Variants in CNOT6 observed in about 807,000 individuals in gnomAD.
The protein encoded by CNOT6 is CCR4-NOT transcription complex subunit 6.
CNOT6 carries 12 observed loss-of-function variants against 61.2 expected under a neutral mutation model. That is an observed-to-expected ratio of 0.20 (90% confidence interval 0.13 to 0.32). The LOEUF (loss-of-function observed/expected upper bound fraction) is 0.32. Ranked by LOEUF, CNOT6 falls within the 10% of genes least tolerant of loss-of-function variation. The pLI is 1.00. For missense variants in CNOT6, 405 were observed against 663.9 expected, an observed-to-expected ratio of 0.61 and a Z score of 4.28; for synonymous variants, 225 against 240.6, an observed-to-expected ratio of 0.94 and a Z score of 0.60.
chr5:180,555,686 G>C (rs1410627791), intron 4 of CNOT6, among the ~76,000 whole-genome samples: 1 of 152,204 alleles, frequency 6.6e-6, no homozygotes, highest in African/African-American at 2.4e-5. Context: ...ACTTCTTAAA[G>C]CAATTGTATC....
chr5:180,549,843 C>T, intron 2 of CNOT6, 88 bp from the exon 3 acceptor site: 1 of 969,722 alleles, frequency 1.0e-6, no homozygotes, highest in Non-Finnish European at 1.5e-6. Flanking sequence ...TTAAGTTACT[C>T]ATAAAAACAT....
At chr5:180,523,067 A>T (rs1314877394) in intron 1 of CNOT6, among the ~76,000 whole-genome samples, 1 of 152,138 alleles carries the variant, frequency 6.6e-6, no homozygotes, top group Non-Finnish European at 1.5e-5. Flanking sequence ...TCTCAGTGGG[A>T]TCTAACTCCA....
chr5:180,510,119 T>A (rs1055075016), intron 1 of CNOT6, among the ~76,000 whole-genome samples: 5 of 146,966 alleles, frequency 3.4e-5, no homozygotes, highest in Non-Finnish European at 7.5e-5. Flanking sequence ...TAAATGAGGT[T>A]TATCGTCTGT....
At chr5:180,498,215 C>G (rs535723773) in intron 1 of CNOT6, among the ~76,000 whole-genome samples, 1 of 152,252 alleles carries the variant, frequency 6.6e-6, no homozygotes, top group South Asian at 2.1e-4. Context: ...CCACTTCGCT[C>G]TTCTCTGTCC....
intron 2 of CNOT6, among the ~76,000 whole-genome samples, chr5:180,541,516 A>C (rs1489510768): frequency 7.7e-6 from 1 of 130,302 alleles, no homozygotes; most frequent in African/African-American, 2.9e-5. Context: ...CAGTGGTGCA[A>C]TCTTGGCTCA....
intron 1 of CNOT6, among the ~76,000 whole-genome samples, chr5:180,496,577 G>A (rs970917495): frequency 1.3e-5 from 2 of 152,132 alleles, no homozygotes; most frequent in Admixed American, 1.3e-4. Context: ...GTGGCTCACC[G>A]TGTAATCCCA....
intron 4 of CNOT6, among the ~76,000 whole-genome samples, chr5:180,562,763 A>G (rs1760251663): frequency 6.6e-6 from 1 of 152,028 alleles, no homozygotes; most frequent in Non-Finnish European, 1.5e-5. Context: ...GAAAAAGAAA[A>G]CAGCATCACT....
At chr5:180,499,741 T>A (rs1305530718) in intron 1 of CNOT6, among the ~76,000 whole-genome samples, 1 of 152,210 alleles carries the variant, frequency 6.6e-6, no homozygotes, top group Non-Finnish European at 1.5e-5. Flanking sequence ...GTAATAAATG[T>A]GGCATTTTCT....
At chr5:180,525,241 ATGTT>A (rs1758047109) in intron 1 of CNOT6, among the ~76,000 whole-genome samples, 1 of 152,142 alleles carries the variant, frequency 6.6e-6, no homozygotes, top group Non-Finnish European at 1.5e-5. Context: ...ACCCATTTCT[ATGTT>A]TGAAAAGTAG....
chr5:180,550,151 A>C, intron 3 of CNOT6, 34 bp downstream of exon 3: 1 of 1,567,524 alleles, frequency 6.4e-7, no homozygotes, highest in Non-Finnish European at 8.8e-7. Context: ...TACTAGCTAT[A>C]TGACCCCTAA....
At chr5:180,546,566 C>G (rs757937537) in intron 2 of CNOT6, among the ~76,000 whole-genome samples, 3 of 152,298 alleles carry the variant, frequency 2.0e-5, no homozygotes, top group Non-Finnish European at 1.5e-5. Flanking sequence ...TGATGTGTCA[C>G]TTCTGCATAT....
intron 3 of CNOT6, among the ~76,000 whole-genome samples, chr5:180,550,478 T>A (rs916597936): frequency 2.0e-5 from 3 of 152,010 alleles, no homozygotes; most frequent in Non-Finnish European, 4.4e-5. Context: ...AAAACATTTG[T>A]TGTGTTAGGA....
Position 180,574,032 on chromosome 5 carries a change from C to G in CNOT6, c.1506C>G (p.Thr502=). The part of the protein sequence containing the change: ...YIFYSKPQLN[T]LGILGPLDHH... ...TCTATTCTAAACCTCAGCTGAACAC[C>G]TTAGGCATCCTGGGCCCTCTGGACC... is the stretch of plus-strand genomic sequence containing the variant. Residue 502 remains threonine (T), a synonymous_variant, in exon 12 of 12, where the codon ACC becomes ACG. Transcript: ENST00000261951. 6.2e-7 allele frequency: 1 copy of G among 1,613,960 alleles called. No individual in the cohort carries two copies. Among genetic ancestry groups the G allele is most frequent in the South Asian group, 1.1e-5 (1 of 91,062 alleles).
At chr5:180,535,984 T>A (rs1758667533) in intron 2 of CNOT6, among the ~76,000 whole-genome samples, 1 of 142,602 alleles carries the variant, frequency 7.0e-6, no homozygotes, top group African/African-American at 2.5e-5. Context: ...GCCCACTTAT[T>A]AGGGTTTTTT....
chr5:180,542,882 G>C (rs141806761), intron 2 of CNOT6, among the ~76,000 whole-genome samples: 1,594 of 152,260 alleles, frequency 0.01, 19 homozygotes, highest in Non-Finnish European at 0.016. Flanking sequence ...GAAGTAGATA[G>C]ATATGAGATT....
intron 2 of CNOT6, among the ~76,000 whole-genome samples, chr5:180,531,598 G>A (rs967996777): frequency 1.2e-4 from 18 of 152,222 alleles, no homozygotes; most frequent in African/African-American, 4.3e-4. Context: ...CCAGGCAGAG[G>A]CTGCAATCTC....
intron 2 of CNOT6, among the ~76,000 whole-genome samples, chr5:180,532,607 C>T (rs1008225711): frequency 6.6e-6 from 1 of 152,174 alleles, no homozygotes; most frequent in African/African-American, 2.4e-5. Flanking sequence ...AAGCAGCAGA[C>T]ACCAGTTAGG....
intron 2 of CNOT6, among the ~76,000 whole-genome samples, chr5:180,542,235 C>T (rs1016024099): frequency 1.3e-5 from 2 of 150,734 alleles, no homozygotes; most frequent in African/African-American, 2.4e-5. Context: ...TTGCTGAGCT[C>T]GTCGGCTCTG....
At chr5:180,542,072 T>C (rs1759076612) in intron 2 of CNOT6, among the ~76,000 whole-genome samples, 1 of 152,158 alleles carries the variant, frequency 6.6e-6, no homozygotes, top group South Asian at 2.1e-4. Flanking sequence ...AAGGTCATTC[T>C]TATCCTTGTT....
Sources: allele counts gnomAD v4.1 joint callset (sites outside exome capture counted in the v4.1 genomes callset), GRCh38; gene constraint gnomAD v4.1.1; transcripts MANE v1.5; gene names NCBI Gene and HGNC (gene_info 2026-07-23, HGNC 2026-07-21).